EEPD1: variants seen among roughly 807,000 people sequenced by gnomAD.
The protein encoded by EEPD1 is endonuclease/exonuclease/phosphatase family domain containing 1.
In EEPD1, 17 loss-of-function variants were observed where a neutral mutation model predicts 46.3. That is an observed-to-expected ratio of 0.37 (90% CI 0.25 to 0.55). EEPD1 has a LOEUF of 0.55. EEPD1 is among the 20% of genes least tolerant of loss of function. The pLI is 0.83. For missense variants in EEPD1, 673 were observed against 745.6 expected (o/e 0.90, Z 1.13); for synonymous variants, 313 against 315.6 (o/e 0.99, Z 0.09).
intron 2 of EEPD1, among the ~76,000 whole-genome samples, chr7:36,210,160 T>C (rs1046382409): frequency 6.6e-6 from 1 of 152,096 alleles, no homozygotes; most frequent in Admixed American, 6.5e-5. Flanking sequence ...AGTTAATTGT[T>C]GTAACAGAGC....
intron 3 of EEPD1, among the ~76,000 whole-genome samples, chr7:36,266,861 G>A (rs1169685994): frequency 2.0e-4 from 31 of 152,028 alleles, no homozygotes; most frequent in Admixed American, 1.8e-3. Flanking sequence ...GGCTTTTTTC[G>A]CTTAGTGTAA....
At chr7:36,238,693 A>G (rs1042211919) in intron 2 of EEPD1, among the ~76,000 whole-genome samples, 1 of 152,258 alleles carries the variant, frequency 6.6e-6, no homozygotes, top group Admixed American at 6.5e-5. Flanking sequence ...TAATGCTGCT[A>G]TGAACATTGG....
chr7:36,219,800 AGAGAGAGTGTGTGT>A (rs1216711457), intron 2 of EEPD1, among the ~76,000 whole-genome samples: 631 of 66,560 alleles, frequency 9.5e-3, no homozygotes, highest in South Asian at 0.051. Flanking sequence ...AGAGAGAGAG[AGAGAGAGTGTGTGT>A]GTGTGTGTGT....
Position 36,299,270 on chromosome 7 carries a change from G to T in EEPD1, c.*64G>T. ...GGCACAGCCAAGGAATGAGCCCTGT[G>T]GGGTGACGCTTCAGGGCAGAGCTGC... On this transcript the variant is annotated 3_prime_UTR_variant, in exon 8 of 8. Coordinates refer to ENST00000242108, the MANE Select transcript of EEPD1 (RefSeq NM_030636.3). The T allele has an allele frequency of 6.5e-7, 1 of 1,545,096 alleles. No homozygotes were observed. Among genetic ancestry groups the T allele is most frequent in the South Asian group, 1.2e-5 (1 of 84,450 alleles).
At chr7:36,212,140 G>C (rs952653018) in intron 2 of EEPD1, among the ~76,000 whole-genome samples, 5 of 152,148 alleles carry the variant, frequency 3.3e-5, no homozygotes, top group African/African-American at 1.2e-4. Context: ...AATACATGCA[G>C]CCAAGTAGCT....
chr7:36,187,428 A>T (rs1785378472), intron 2 of EEPD1, among the ~76,000 whole-genome samples: 1 of 152,144 alleles, frequency 6.6e-6, no homozygotes, highest in Non-Finnish European at 1.5e-5. Flanking sequence ...GCCCCTGGCA[A>T]CCACCATCCT....
intron 2 of EEPD1, among the ~76,000 whole-genome samples, chr7:36,197,288 G>T (rs1785620627): frequency 6.9e-6 from 1 of 145,500 alleles, no homozygotes; most frequent in Non-Finnish European, 1.5e-5. Context: ...CGGGAGGGAG[G>T]TGGGGGGGTC....
chr7:36,271,869 CTATTCTATTCTATTG>C (rs1349224683), intron 3 of EEPD1, among the ~76,000 whole-genome samples: 1,073 of 17,128 alleles, frequency 0.063, 80 homozygotes, highest in South Asian at 0.13. Flanking sequence ...CTATTCTATT[CTATTCTATTCTATTG>C]TATTCTATTC....
At chr7:36,226,363 G>A (rs1786231656) in intron 2 of EEPD1, among the ~76,000 whole-genome samples, 1 of 152,170 alleles carries the variant, frequency 6.6e-6, no homozygotes, top group Non-Finnish European at 1.5e-5. Flanking sequence ...AGTCACCTCT[G>A]CTCCCGGCCA....
In EEPD1 at chr7:36,241,694, C is replaced by G. The variant is rs1301505711; in HGVS notation, c.930+2658C>G. 2.6e-5 allele frequency among the ~76,000 whole-genome samples: 4 copies of G among 152,088 alleles called. No homozygotes were observed. In the East Asian group the frequency reaches 7.7e-4, roughly 29 times the overall value. ...CCAGCCTGGCCAACATGGTGAAACC[C>G]GGTCTCTGCTAAAAATACAAAACTT... On this transcript the variant is annotated intron_variant, in intron 3 of 7. Coordinates refer to ENST00000242108, the MANE Select transcript of EEPD1 (RefSeq NM_030636.3).
At chr7:36,269,161 C>T (rs1273521464) in intron 3 of EEPD1, among the ~76,000 whole-genome samples, 1 of 152,172 alleles carries the variant, frequency 6.6e-6, no homozygotes, top group Non-Finnish European at 1.5e-5. Context: ...GATAACCAAA[C>T]TACTCAGCTT....
intron 2 of EEPD1, among the ~76,000 whole-genome samples, chr7:36,208,410 T>C (rs1360476385): frequency 6.6e-6 from 1 of 152,242 alleles, no homozygotes; most frequent in African/African-American, 2.4e-5. Context: ...GAATTAAGCA[T>C]GTGTACCTCA....
At chr7:36,218,261 C>T (rs1392728710) in intron 2 of EEPD1, among the ~76,000 whole-genome samples, 1 of 152,038 alleles carries the variant, frequency 6.6e-6, no homozygotes, top group African/African-American at 2.4e-5. Flanking sequence ...ATGTGCCAAA[C>T]CCTATATACT....
intron 2 of EEPD1, among the ~76,000 whole-genome samples, chr7:36,210,235 T>C (rs1004587854): frequency 6.6e-6 from 1 of 152,164 alleles, no homozygotes; most frequent in Admixed American, 6.5e-5. Context: ...TTCAAACTTG[T>C]TACTGATGGG....
chr7:36,161,438 A>G (rs1784899753), intron 2 of EEPD1, among the ~76,000 whole-genome samples: 2 of 150,898 alleles, frequency 1.3e-5, no homozygotes, highest in African/African-American at 4.8e-5. Context: ...ATGAAGGGAA[A>G]GGACCAAGTC....
intron 2 of EEPD1, among the ~76,000 whole-genome samples, chr7:36,182,406 A>G (rs1173555981): frequency 6.6e-6 from 1 of 152,244 alleles, no homozygotes; most frequent in Non-Finnish European, 1.5e-5. Context: ...GGGCTGGGAC[A>G]GTGTGGGAAC....
chr7:36,228,606 A>T (rs962243447), intron 2 of EEPD1: 1 of 152,240 alleles, frequency 6.6e-6, no homozygotes. Flanking sequence ...CTGCAGACAC[A>T]GCTGGGGCCA....
chr7:36,164,457 T>C (rs961659903), intron 2 of EEPD1, among the ~76,000 whole-genome samples: 4 of 152,224 alleles, frequency 2.6e-5, no homozygotes, highest in Non-Finnish European at 4.4e-5. Flanking sequence ...CAACTTGTTT[T>C]ACAAAGGGAA....
intron 2 of EEPD1, among the ~76,000 whole-genome samples, chr7:36,172,333 A>T (rs1177065644): frequency 6.6e-6 from 1 of 152,074 alleles, no homozygotes; most frequent in African/African-American, 2.4e-5. Context: ...CCTGTCTCAT[A>T]CCCTGAGAGA....
Sources: allele counts gnomAD v4.1 joint callset (sites outside exome capture counted in the v4.1 genomes callset), GRCh38; gene constraint gnomAD v4.1.1; transcripts MANE v1.5; gene names NCBI Gene and HGNC (gene_info 2026-07-23, HGNC 2026-07-21).